Variants in NONO observed in about 807,000 individuals in gnomAD.
The protein encoded by NONO is non-POU domain-containing octamer-binding protein.
Under a neutral mutation model 40.2 loss-of-function variants are expected in NONO, and 6 were observed. That is an observed-to-expected ratio of 0.15 (90% CI 0.08 to 0.29). The LOEUF (loss-of-function observed/expected upper bound fraction) is 0.29. NONO is among the 10% of genes least tolerant of loss of function. The pLI, the probability that NONO is intolerant of heterozygous loss-of-function variation, is 1.00. For missense variants in NONO, 133 were observed against 397.8 expected, an observed-to-expected ratio of 0.33 and a Z score of 5.66; for synonymous variants, 89 against 123.3, an observed-to-expected ratio of 0.72 and a Z score of 1.85.
chrX:71,294,833 C>T (rs752725759), intron 5 of NONO, among the ~76,000 whole-genome samples: 11 of 111,273 alleles, frequency 9.9e-5, no homozygotes, highest in South Asian at 7.5e-4. Flanking sequence ...GCAGGAGAAT[C>T]GCTTGAACCC....
At position 71,297,877 on chromosome X, in the gene NONO, G is replaced by A. The variant is rs2031487515; in HGVS notation, c.1070G>A (p.Arg357Gln). 3.3e-6 allele frequency: 4 copies of A among 1,210,126 alleles called. No homozygotes were observed. Among genetic ancestry groups the A allele is most frequent in the Non-Finnish European group, 4.5e-6 (4 of 894,269 alleles). The change falls in exon 9 of 12, where the codon CGG becomes CAG. Residue 357 changes from arginine to glutamine, a missense_variant. Arg to Gln is a conservative substitution (Grantham distance 43). Around this residue, in one of 3 missense-constraint regions of NONO, gnomAD observed 73 missense variants for 162.2 expected, o/e 0.45. Coordinates refer to ENST00000276079, the MANE Select transcript of NONO (RefSeq NM_007363.5). ...AGGCGCCGTGAAGAAGAGATGCGGC[G>A]GCAGCAAGAAGAAATGATGCGGCGA... Reference protein sequence around the residue: ...ERRRREEEMRRQQEEMMRRQQ... With the variant: ...ERRRREEEMRQQQEEMMRRQQ...
Position 71,290,735 on chromosome X carries a change from A to G in NONO, c.98A>G (p.Gln33Arg). ...HHQQQHHQQQQQQPPPPPIPA... is the reference protein window; with the variant it reads ...HHQQQHHQQQRQQPPPPPIPA... ...CAGCAGCAGCACCACCAGCAGCAAC[A>G]GCAGCAGCCGCCACCACCGCCAATA... The change falls in exon 3 of 12, where the codon CAG becomes CGG. Residue 33 changes from glutamine (Q) to arginine (R), a missense_variant. By Grantham distance (43) the Gln-to-Arg change is conservative. Transcript: ENST00000276079. The G allele has an allele frequency of 8.4e-7, 1 of 1,191,802 alleles. No individual in the cohort carries two copies. Among genetic ancestry groups the G allele is most frequent in the Non-Finnish European group, 1.1e-6 (1 of 882,303 alleles).
chrX:71,292,044 A>G (rs2031337116), intron 4 of NONO, 72 bp downstream of exon 4: 1 of 729,012 alleles, frequency 1.4e-6, no homozygotes, highest in Non-Finnish European at 2.0e-6. Flanking sequence ...ATGTGCAAAA[A>G]TAGGCAGTGG....
At chrX:71,285,836 C>T (rs1363537073) in intron 2 of NONO, among the ~76,000 whole-genome samples, 2 of 111,776 alleles carry the variant, frequency 1.8e-5, no homozygotes, top group African/African-American at 3.2e-5. Flanking sequence ...AAATTAGAAA[C>T]GACCCAGGTG....
intron 2 of NONO, among the ~76,000 whole-genome samples, chrX:71,285,649 A>G (rs897705375): frequency 3.6e-5 from 4 of 112,318 alleles, no homozygotes; most frequent in Non-Finnish European, 7.5e-5. Context: ...GTCATTAAAA[A>G]TTACAATTAT....
At chrX:71,287,204 C>G (rs1163018025) in intron 2 of NONO, among the ~76,000 whole-genome samples, 1 of 111,671 alleles carries the variant, frequency 9.0e-6, no homozygotes, top group Non-Finnish European at 1.9e-5. Flanking sequence ...CCTCAGCCTC[C>G]TGAGTAGCTG....
intron 2 of NONO, chrX:71,284,835 G>GT (rs1384052090): frequency 3.6e-5 from 4 of 112,160 alleles, no homozygotes. Context: ...CTAAACATTT[G>GT]TTTAACTGTA....
chrX:71,295,203 A>C (rs2031411940), intron 5 of NONO, among the ~76,000 whole-genome samples: 1 of 83,815 alleles, frequency 1.2e-5, no homozygotes. Context: ...GCCTGGCGAT[A>C]GAGCAAGACT....
At chrX:71,294,600 T>C (rs1018237426) in intron 5 of NONO, 72 bp downstream of exon 5, 64 of 985,290 alleles carry the variant, frequency 6.5e-5, no homozygotes, top group Non-Finnish European at 8.4e-5. Context: ...AGTTAGCCTC[T>C]AGTAACCACT....
chrX:71,287,859 C>A (rs987383829), intron 2 of NONO, among the ~76,000 whole-genome samples: 5 of 101,250 alleles, frequency 4.9e-5, no homozygotes, highest in Non-Finnish European at 8.0e-5. Context: ...TCCCCTCCCC[C>A]CTACCCTTTT....
chrX:71,288,684 G>A (rs750216299), intron 2 of NONO, among the ~76,000 whole-genome samples: 1 of 112,812 alleles, frequency 8.9e-6, no homozygotes, highest in African/African-American at 3.2e-5. Context: ...GAGCCATCTC[G>A]CCTGGCCTAT....
chrX:71,296,869 C>G lies in NONO; in HGVS notation c.765C>G (p.Pro255=). 2 of 1,208,209 alleles carry G rather than the reference C, an allele frequency of 1.7e-6. No homozygotes were observed. Among genetic ancestry groups the G allele is most frequent in the South Asian group, 1.8e-5 (1 of 56,267 alleles). Residue 255 remains proline (P), a synonymous_variant, in exon 7 of 12, where the codon CCC becomes CCG. Coordinates refer to ENST00000276079, the MANE Select transcript of NONO (RefSeq NM_007363.5). The stretch of plus-strand genomic sequence containing the variant: ...CCTATAGGGAACGAGAGCAGCCACC[C>G]AGATTTGCACAGCCTGGCTCCTTTG... ...QQFHKEREQP[P]RFAQPGSFEY...
chrX:71,293,583 GAA>G (rs761775142), intron 4 of NONO, among the ~76,000 whole-genome samples: 1 of 103,897 alleles, frequency 9.6e-6, no homozygotes, highest in African/African-American at 3.5e-5. Context: ...ACTCCGTCTC[GAA>G]AAAAAAAACT....
At chrX:71,298,628 C>CTAAG in intron 10 of NONO, 79 bp from the exon 11 acceptor site, 3 of 1,073,120 alleles carry the variant, frequency 2.8e-6, no homozygotes, top group Non-Finnish European at 3.9e-6. Context: ...GCCCAGAGGT[C>CTAAG]TTGTTGAATT....
chrX:71,295,654 G>A (rs752956592), intron 5 of NONO, among the ~76,000 whole-genome samples: 3 of 108,983 alleles, frequency 2.8e-5, no homozygotes, highest in South Asian at 8.0e-4. Context: ...AGCTGGACGC[G>A]GTGGTGGGCG....
intron 2 of NONO, among the ~76,000 whole-genome samples, chrX:71,288,945 A>G (rs1038562684): frequency 5.3e-5 from 6 of 112,346 alleles, no homozygotes; most frequent in Non-Finnish European, 7.5e-5. Context: ...CTAACCTCAC[A>G]GCCCATACTA....
At chrX:71,289,440 T>C (rs1314041848) in intron 2 of NONO, among the ~76,000 whole-genome samples, 2 of 108,642 alleles carry the variant, frequency 1.8e-5, no homozygotes, top group African/African-American at 6.7e-5. Flanking sequence ...TACAGGCGCC[T>C]GCCACCACGC....
intron 5 of NONO, among the ~76,000 whole-genome samples, chrX:71,296,115 A>G (rs868384047): frequency 1.2e-3 from 123 of 104,968 alleles, no homozygotes; most frequent in Middle Eastern, 5.0e-3. Context: ...CGTCCTGTCA[A>G]CCCCAGATTT....
Position 71,300,017 on chromosome X carries a change from G to C in NONO, c.1357G>C (p.Ala453Pro), listed in dbSNP as rs759249289. ...GIGAIGGTPP[A>P]FNRAAPGAEF... ...TGGGGCAATTGGTGGAACTCCTCCTGCATTCAACCGTGCAGCTCCTGGAGC... is the reference window on the plus strand; with the variant it reads ...TGGGGCAATTGGTGGAACTCCTCCTCCATTCAACCGTGCAGCTCCTGGAGC... The change falls in exon 12 of 12, where the codon GCA becomes CCA. Residue 453 changes from alanine (A) to proline (P), a missense_variant. Physicochemically the swap from Ala to Pro is conservative, Grantham distance 27. Coordinates refer to ENST00000276079, the MANE Select transcript of NONO (RefSeq NM_007363.5). The C allele has an allele frequency of 3.5e-5, 42 of 1,209,311 alleles. No individual in the cohort carries two copies. Among genetic ancestry groups the C allele is most frequent in the Non-Finnish European group, 4.4e-5 (39 of 894,829 alleles).
Sources: allele counts gnomAD v4.1 joint callset (sites outside exome capture counted in the v4.1 genomes callset), GRCh38; gene constraint gnomAD v4.1.1; regional missense constraint gnomAD v4.1.1; transcripts MANE v1.5; gene names NCBI Gene and HGNC (gene_info 2026-07-23, HGNC 2026-07-21).